CORIN: variants seen among roughly 807,000 people sequenced by gnomAD.
CORIN encodes corin, serine peptidase, also known as atrial natriuretic peptide-converting enzyme.
In CORIN, 117 loss-of-function variants were observed where a neutral mutation model predicts 125.3. The observed-to-expected ratio is 0.93, with a 90% CI of 0.80 to 1.09. The LOEUF (loss-of-function observed/expected upper bound fraction) is 1.09. Ranked by LOEUF, CORIN falls within the 50% of genes least tolerant of loss-of-function variation. The pLI is 0.00. For synonymous variants in CORIN, 450 were observed against 466.4 expected (o/e 0.96, Z 0.45); for missense variants, 1,253 against 1,306.7 (o/e 0.96, Z 0.63).
At chr4:47,648,304 T>C (rs1321702578) in intron 13 of CORIN, among the ~76,000 whole-genome samples, 3 of 152,078 alleles carry the variant, frequency 2.0e-5, no homozygotes, top group Admixed American at 6.5e-5. Context: ...ACAGAGACAA[T>C]AGCAACAACC....
intron 3 of CORIN, among the ~76,000 whole-genome samples, chr4:47,764,712 G>A (rs533225977): frequency 1.3e-5 from 2 of 152,120 alleles, no homozygotes; most frequent in Admixed American, 1.3e-4. Context: ...CTAATGTAGA[G>A]GGTTATGTTA....
At chr4:47,622,134 A>G (rs1300753519) in intron 19 of CORIN, among the ~76,000 whole-genome samples, 4 of 150,018 alleles carry the variant, frequency 2.7e-5, no homozygotes, top group Admixed American at 2.0e-4. Context: ...TTTACTGAGA[A>G]TGATGATTTC....
intron 16 of CORIN, among the ~76,000 whole-genome samples, chr4:47,630,154 G>A (rs1211736501): frequency 3.3e-5 from 5 of 152,024 alleles, no homozygotes; most frequent in Non-Finnish European, 2.9e-5. Context: ...ATTCACCTTC[G>A]CCTACATGCA....
chr4:47,603,300 A>C, intron 20 of CORIN, 97 bp downstream of exon 20: 1 of 1,312,630 alleles, frequency 7.6e-7, no homozygotes, highest in Non-Finnish European at 1.1e-6. Context: ...CCATCCCTGC[A>C]GAACTGTGAA....
Position 47,828,376 on chromosome 4 carries a change from C to T in CORIN, c.63+9511G>A, listed in dbSNP as rs192489328. Among the ~76,000 whole-genome samples the T allele has an allele frequency of 2.0e-5, 3 of 152,336 alleles. No individual in the cohort carries two copies. The East Asian group carries it at 5.8e-4, about 29-fold the overall frequency. On this transcript the variant is annotated intron_variant, in intron 1 of 21. Coordinates refer to ENST00000273857, the MANE Select transcript of CORIN (RefSeq NM_006587.4). ...TAGAGTTTTCAGCCCTACTCCCCAA[C>T]CTCCTGGGAGGAGAGAGGGCTAGAC... is the stretch of plus-strand genomic sequence containing the variant.
At chr4:47,669,455 A>G (rs1027750119) in intron 10 of CORIN, among the ~76,000 whole-genome samples, 2 of 152,110 alleles carry the variant, frequency 1.3e-5, no homozygotes, top group African/African-American at 4.8e-5. Context: ...GAACATCCTT[A>G]TAACTACCTC....
intron 2 of CORIN, among the ~76,000 whole-genome samples, chr4:47,794,622 AAGTC>A (rs1297234605): frequency 6.6e-6 from 1 of 152,154 alleles, no homozygotes; most frequent in African/African-American, 2.4e-5. Flanking sequence ...GAGAAAGAAA[AAGTC>A]AGGAGAATTC....
At chr4:47,623,818 C>T (rs945103650) in intron 18 of CORIN, 73 bp from the exon 19 acceptor site, 19 of 1,608,480 alleles carry the variant, frequency 1.2e-5, no homozygotes, top group Non-Finnish European at 1.6e-5. Context: ...TTTGCTGTCA[C>T]TTACAAGCGA....
chr4:47,646,925 AC>A (rs1214023560), intron 13 of CORIN, among the ~76,000 whole-genome samples: 1 of 152,216 alleles, frequency 6.6e-6, no homozygotes, highest in East Asian at 1.9e-4. Context: ...TGGTTTTCAA[AC>A]TTTTCATTAA....
At chr4:47,806,084 C>T (rs1472557537) in intron 2 of CORIN, among the ~76,000 whole-genome samples, 1 of 151,924 alleles carries the variant, frequency 6.6e-6, no homozygotes, top group Non-Finnish European at 1.5e-5. Flanking sequence ...GCACATATTA[C>T]TTGGTTTCTG....
At chr4:47,679,285 T>C in intron 8 of CORIN, among the ~76,000 whole-genome samples, 1 of 152,192 alleles carries the variant, frequency 6.6e-6, no homozygotes, top group East Asian at 1.9e-4. Context: ...TGTTATTAGT[T>C]TGAAGTATAA....
At chr4:47,657,629 G>A (rs1724054109) in intron 12 of CORIN, among the ~76,000 whole-genome samples, 1 of 152,004 alleles carries the variant, frequency 6.6e-6, no homozygotes, top group South Asian at 2.1e-4. Context: ...TTTAAAGGAG[G>A]CCTAGAGTCT....
At chr4:47,597,387 A>G (rs981777985) in intron 21 of CORIN, among the ~76,000 whole-genome samples, 1 of 151,984 alleles carries the variant, frequency 6.6e-6, no homozygotes, top group Non-Finnish European at 1.5e-5. Flanking sequence ...AGAGATTAAA[A>G]TTTTGATTGT....
At chr4:47,725,693 T>C (rs1577865860) in intron 5 of CORIN, among the ~76,000 whole-genome samples, 1 of 152,122 alleles carries the variant, frequency 6.6e-6, no homozygotes, top group Non-Finnish European at 1.5e-5. Context: ...AAAATCTTTA[T>C]GCAGTTGAGA....
intron 3 of CORIN, among the ~76,000 whole-genome samples, 184 bp downstream of exon 3, chr4:47,786,541 G>A (rs940463263): frequency 1.3e-5 from 2 of 151,844 alleles, no homozygotes; most frequent in Non-Finnish European, 2.9e-5. Context: ...AACTCCGCCT[G>A]AAAAACAACA....
At chr4:47,731,965 A>C (rs1727896267) in intron 5 of CORIN, among the ~76,000 whole-genome samples, 1 of 152,126 alleles carries the variant, frequency 6.6e-6, no homozygotes. Context: ...AGACCCTTGG[A>C]GATGTGGGGA....
intron 5 of CORIN, among the ~76,000 whole-genome samples, chr4:47,740,638 T>C (rs1380295648): frequency 6.6e-6 from 1 of 151,942 alleles, no homozygotes; most frequent in Non-Finnish European, 1.5e-5. Flanking sequence ...AAGTTAATCC[T>C]AAAATTTATA....
At chr4:47,752,291 C>T (rs1728937756) in intron 4 of CORIN, among the ~76,000 whole-genome samples, 1 of 152,158 alleles carries the variant, frequency 6.6e-6, no homozygotes, top group Non-Finnish European at 1.5e-5. Flanking sequence ...CTATCTCTCA[C>T]CGGCATAACA....
intron 3 of CORIN, among the ~76,000 whole-genome samples, chr4:47,766,554 G>A (rs912097096): frequency 9.2e-5 from 14 of 152,174 alleles, no homozygotes; most frequent in African/African-American, 3.4e-4. Flanking sequence ...AAAATGGGGA[G>A]TGGGATCAAC....
Sources: allele counts gnomAD v4.1 joint callset (sites outside exome capture counted in the v4.1 genomes callset), GRCh38; gene constraint gnomAD v4.1.1; transcripts MANE v1.5; gene names NCBI Gene and HGNC (gene_info 2026-07-23, HGNC 2026-07-21).